Variants in AKAP19 observed in about 807,000 individuals in gnomAD.
AKAP19 encodes A-kinase anchoring protein 19.
chr2:190,175,136 T>C, the AKAP19 span, among the ~76,000 whole-genome samples: 2 of 152,204 alleles, frequency 1.3e-5, no homozygotes, highest in Admixed American at 1.3e-4. Context: ...TCCAGGCACG[T>C]CTACCTCTTT....
chr2:190,009,855 A>G, the AKAP19 span, among the ~76,000 whole-genome samples: 1 of 152,164 alleles, frequency 6.6e-6, no homozygotes, highest in African/African-American at 2.4e-5. Flanking sequence ...CCTGAGACAT[A>G]ATGACCAGTA....
chr2:190,098,446 T>C, the AKAP19 span, among the ~76,000 whole-genome samples: 1 of 152,136 alleles, frequency 6.6e-6, no homozygotes, highest in Admixed American at 6.5e-5. Flanking sequence ...AAGAAATATT[T>C]TTTTTTTTCT....
At chr2:189,977,909 A>G in the AKAP19 span, among the ~76,000 whole-genome samples, 3 of 152,254 alleles carry the variant, frequency 2.0e-5, no homozygotes, top group Admixed American at 6.5e-5. Context: ...TAGTCTTCAT[A>G]CAACCATTCT....
chr2:190,025,212 G>C, the AKAP19 span, among the ~76,000 whole-genome samples: 1 of 152,110 alleles, frequency 6.6e-6, no homozygotes. Flanking sequence ...TCTAAAAGTA[G>C]TTGGACTATT....
At chr2:189,897,993 A>G in the AKAP19 span, among the ~76,000 whole-genome samples, 3 of 152,030 alleles carry the variant, frequency 2.0e-5, no homozygotes, top group Non-Finnish European at 4.4e-5. Flanking sequence ...GGATCGCTTG[A>G]GCCCAGGAGT....
At chr2:190,098,721 A>T in the AKAP19 span, among the ~76,000 whole-genome samples, 6 of 152,196 alleles carry the variant, frequency 3.9e-5, no homozygotes, top group African/African-American at 1.4e-4. Context: ...AAAGTCCTAG[A>T]TGTTATCTTC....
At chr2:190,180,278 T>C in the AKAP19 span, among the ~76,000 whole-genome samples, 60 of 152,196 alleles carry the variant, frequency 3.9e-4, no homozygotes, top group Non-Finnish European at 7.6e-4. The surrounding 1 kb of genome is among the most constrained non-coding windows in gnomAD (Gnocchi z 6.8). Flanking sequence ...AACCCTTAGC[T>C]GGGAAGGCCG....
the AKAP19 span, among the ~76,000 whole-genome samples, chr2:189,990,707 A>C: frequency 3.3e-5 from 5 of 152,064 alleles, no homozygotes; most frequent in Admixed American, 3.3e-4. Flanking sequence ...TCTTTTTAAA[A>C]ATTATTTATT....
At chr2:190,120,263 G>C in the AKAP19 span, among the ~76,000 whole-genome samples, 1 of 152,124 alleles carries the variant, frequency 6.6e-6, no homozygotes. Flanking sequence ...CTGATCATCT[G>C]AGGTGTAAAA....
the AKAP19 span, among the ~76,000 whole-genome samples, chr2:190,139,089 G>T: frequency 6.6e-6 from 1 of 152,198 alleles, no homozygotes; most frequent in Non-Finnish European, 1.5e-5. Context: ...GTAGTTTCAT[G>T]AGGGGGAATA....
chr2:189,983,530 C>T, the AKAP19 span, among the ~76,000 whole-genome samples: 1 of 152,234 alleles, frequency 6.6e-6, no homozygotes, highest in Non-Finnish European at 1.5e-5. Context: ...GTATCTGCAA[C>T]AATATGCAAG....
the AKAP19 span, among the ~76,000 whole-genome samples, chr2:190,098,742 C>A: frequency 6.6e-6 from 1 of 152,192 alleles, no homozygotes; most frequent in Non-Finnish European, 1.5e-5. Flanking sequence ...CAATATAAGG[C>A]TGTCTCATCT....
At chr2:189,988,142 G>A in the AKAP19 span, among the ~76,000 whole-genome samples, 2 of 152,130 alleles carry the variant, frequency 1.3e-5, no homozygotes, top group Non-Finnish European at 2.9e-5. Context: ...TCCAGGTGGG[G>A]CCATCTGGTT....
the AKAP19 span, chr2:190,062,413 T>C: frequency 3.1e-6 from 5 of 1,613,522 alleles, no homozygotes; most frequent in Non-Finnish European, 4.2e-6. Context: ...CGAAGTTTAC[T>C]GAGGATTTGT....
the AKAP19 span, among the ~76,000 whole-genome samples, chr2:189,897,441 TAGTTAAA>T: frequency 2.0e-5 from 3 of 152,176 alleles, no homozygotes; most frequent in Non-Finnish European, 4.4e-5. Flanking sequence ...TTTAACTACA[TAGTTAAA>T]ATATTATGTA....
chr2:190,138,718 G>C, the AKAP19 span, among the ~76,000 whole-genome samples: 4 of 152,158 alleles, frequency 2.6e-5, no homozygotes, highest in Non-Finnish European at 5.9e-5. Flanking sequence ...TTCATTTTCA[G>C]TTCCCTCCAA....
At chr2:189,895,409 G>A in the AKAP19 span, among the ~76,000 whole-genome samples, 169 of 152,262 alleles carry the variant, frequency 1.1e-3, 1 homozygote, top group African/African-American at 4.0e-3. Flanking sequence ...AAGTCAGTAA[G>A]TATTGTGACT....
At chr2:190,134,403 T>A in the AKAP19 span, among the ~76,000 whole-genome samples, 1 of 152,112 alleles carries the variant, frequency 6.6e-6, no homozygotes, top group African/African-American at 2.4e-5. Context: ...TTGGTTTCAG[T>A]TTATCAATTA....
the AKAP19 span, among the ~76,000 whole-genome samples, chr2:190,115,225 T>G: frequency 1.1e-5 from 1 of 90,688 alleles, no homozygotes; most frequent in Non-Finnish European, 2.0e-5. Context: ...GAAGGAGAAG[T>G]AGAAAGGAGA....
Sources: allele counts gnomAD v4.1 joint callset (sites outside exome capture counted in the v4.1 genomes callset), GRCh38; gene constraint gnomAD v4.1.1; non-coding constraint Gnocchi (gnomAD v3.1); transcripts MANE v1.5; gene names NCBI Gene and HGNC (gene_info 2026-07-23, HGNC 2026-07-21).